ISM1: variants seen among roughly 807,000 people sequenced by gnomAD.
ISM1 encodes the protein isthmin 1, also known as isthmin-1.
ISM1 carries 25 observed loss-of-function variants against 46.3 expected under a neutral mutation model. The observed-to-expected ratio is 0.54, with a 90% confidence interval of 0.39 to 0.75. The LOEUF (loss-of-function observed/expected upper bound fraction) is 0.75. Among genes scored for constraint, ISM1 ranks in the 30% least tolerant of loss-of-function variants. The pLI is 0.00. For synonymous variants in ISM1, 255 were observed against 256.7 expected (o/e 0.99, Z 0.06); for missense variants, 536 against 625.4 (o/e 0.86, Z 1.52).
At chr20:13,260,331 G>A (rs1019369440) in intron 1 of ISM1, among the ~76,000 whole-genome samples, 2 of 152,200 alleles carry the variant, frequency 1.3e-5, no homozygotes, top group African/African-American at 4.8e-5. Flanking sequence ...AAGGAGAACT[G>A]TTAAGTCTCA....
chr20:13,239,237 T>C (rs2039688981), intron 1 of ISM1: 1 of 152,282 alleles, frequency 6.6e-6, no homozygotes, highest in South Asian at 2.1e-4. Flanking sequence ...TTCGAAGTTC[T>C]GTTCCAGGTT....
intron 1 of ISM1, chr20:13,239,480 G>C (rs1600491632): frequency 6.6e-6 from 1 of 152,376 alleles, no homozygotes; most frequent in East Asian, 1.9e-4. Context: ...GAATGCTAGT[G>C]GGGGAATTAT....
chr20:13,258,208 C>T (rs1281660003), intron 1 of ISM1, among the ~76,000 whole-genome samples: 1 of 152,162 alleles, frequency 6.6e-6, no homozygotes, highest in African/African-American at 2.4e-5. Context: ...GCATGTATTA[C>T]ATCAACAGGC....
chr20:13,301,946 G>A (rs2040461743), downstream of ISM1, among the ~76,000 whole-genome samples: 1 of 152,144 alleles, frequency 6.6e-6, no homozygotes, highest in Non-Finnish European at 1.5e-5. Context: ...GAAGGAGTGG[G>A]ATTTTATAAA....
At chr20:13,276,677 CTG>C (rs34563699) in intron 2 of ISM1, among the ~76,000 whole-genome samples, 31,886 of 152,134 alleles carry the variant, frequency 0.21, 4,206 homozygotes, top group African/African-American at 0.37. Flanking sequence ...GTTTGGAAAT[CTG>C]TGCTCACTCC....
At position 13,270,711 on chromosome 20, in the gene ISM1, G is replaced by A. The variant is rs768918840; in HGVS notation, c.346G>A (p.Ala116Thr). The change falls in exon 2 of 6, where the codon GCT becomes ACT. Residue 116 changes from alanine (A) to threonine (T), a missense_variant. By Grantham distance (58) the Ala-to-Thr change is moderately conservative. Coordinates refer to ENST00000262487, the MANE Select transcript of ISM1 (RefSeq NM_080826.2). ...DLPNFPDLSK[A>T]DINGQNPNIQ... Reference sequence around the variant, plus strand: ...ACCAAACTTTCCAGATCTTTCCAAAGCTGATATCAATGGGCAGAATCCAAA... The same window carrying A: ...ACCAAACTTTCCAGATCTTTCCAAAACTGATATCAATGGGCAGAATCCAAA... 1.4e-5 allele frequency: 22 copies of A among 1,613,794 alleles called. 1 individual carries two copies. The East Asian group carries it at 4.9e-4, about 36-fold the overall frequency.
chr20:13,289,570 G>T (rs1430420746), intron 4 of ISM1, among the ~76,000 whole-genome samples: 1 of 152,046 alleles, frequency 6.6e-6, no homozygotes, highest in African/African-American at 2.4e-5. Context: ...ACCTGTTTTT[G>T]TGTGTCCCAT....
At chr20:13,308,870 G>A in the ISM1 span, among the ~76,000 whole-genome samples, 28 of 152,078 alleles carry the variant, frequency 1.8e-4, no homozygotes, top group African/African-American at 6.3e-4. Flanking sequence ...AAGGGACCCC[G>A]AGAGAGCTCT....
intron 1 of ISM1, among the ~76,000 whole-genome samples, chr20:13,250,563 T>C (rs2039858053): frequency 6.6e-6 from 1 of 152,168 alleles, no homozygotes; most frequent in Non-Finnish European, 1.5e-5. Context: ...GGGGATCTTT[T>C]TAAGGTCCTG....
At chr20:13,310,035 G>A in the ISM1 span, among the ~76,000 whole-genome samples, 21 of 152,086 alleles carry the variant, frequency 1.4e-4, no homozygotes, top group African/African-American at 4.8e-4. Flanking sequence ...CTACAAATTC[G>A]ATGCAATCCC....
At chr20:13,312,882 C>T in the ISM1 span, among the ~76,000 whole-genome samples, 1 of 152,114 alleles carries the variant, frequency 6.6e-6, no homozygotes, top group Non-Finnish European at 1.5e-5. Context: ...TTCTTCTTTT[C>T]CCCACTTTTT....
chr20:13,261,106 T>C (rs907890267), intron 1 of ISM1, among the ~76,000 whole-genome samples: 3 of 152,144 alleles, frequency 2.0e-5, no homozygotes, highest in African/African-American at 7.2e-5. Flanking sequence ...TGTTGTCCCT[T>C]TGGCCGCAGT....
At chr20:13,278,398 C>T (rs911641) in intron 2 of ISM1, among the ~76,000 whole-genome samples, 1 of 151,922 alleles carries the variant, frequency 6.6e-6, no homozygotes, top group Admixed American at 6.6e-5. Context: ...GGGAAAGCCT[C>T]GTCTTGAGGA....
intron 1 of ISM1, among the ~76,000 whole-genome samples, chr20:13,247,834 A>G (rs1281197475): frequency 6.6e-6 from 1 of 152,196 alleles, no homozygotes; most frequent in African/African-American, 2.4e-5. Flanking sequence ...AAAAAGAAGT[A>G]GGATCTTGGT....
chr20:13,242,743 A>G (rs572871044), intron 1 of ISM1, among the ~76,000 whole-genome samples: 1 of 152,242 alleles, frequency 6.6e-6, no homozygotes, highest in South Asian at 2.1e-4. Flanking sequence ...GATGAGGGGT[A>G]GGAATTACTT....
chr20:13,225,200 A>G (rs940681027), intron 1 of ISM1, among the ~76,000 whole-genome samples: 2 of 152,088 alleles, frequency 1.3e-5, no homozygotes, highest in Admixed American at 1.3e-4. Flanking sequence ...ATTAGGTGCT[A>G]TCATTATCCC....
chr20:13,270,848 C>A, intron 2 of ISM1, 105 bp downstream of exon 2: 2 of 1,050,758 alleles, frequency 1.9e-6, no homozygotes, highest in Admixed American at 2.2e-5. Context: ...TCTTCTTAAC[C>A]CCTTAATGAT....
At position 13,227,281 on chromosome 20, in the gene ISM1, G is replaced by A. The variant is rs550103098; in HGVS notation, c.138+5367G>A. Among the ~76,000 whole-genome samples the A allele has an allele frequency of 1.1e-3, 150 of 141,222 alleles. 2 individuals carry two copies. Among genetic ancestry groups the A allele is most frequent in the Non-Finnish European group, 1.9e-3 (121 of 64,348 alleles). 92.6% of individuals were successfully genotyped at this position (141,222 alleles called of 152,430 possible). ...TGCAGTGGCGCTATCTTGGCTCACT[G>A]CAAGCTCCACCTCCTGGGTTCACAC... On this transcript the variant is annotated intron_variant, in intron 1 of 5. Transcript: ENST00000262487.
At chr20:13,295,516 G>C (rs1171606295) in intron 5 of ISM1, among the ~76,000 whole-genome samples, 1 of 152,156 alleles carries the variant, frequency 6.6e-6, no homozygotes, top group African/African-American at 2.4e-5. Context: ...TACCTGGAGA[G>C]CCTTCCCTTG....
Sources: gnomAD v4.1 joint callset for allele counts (sites outside exome capture counted in the v4.1 genomes callset) on GRCh38, gnomAD v4.1.1 for gene constraint, MANE v1.5 for transcripts, NCBI Gene and HGNC (gene_info 2026-07-23, HGNC 2026-07-21) for gene names.